Variants in STX8 observed in about 807,000 individuals in gnomAD.
The protein encoded by STX8 is syntaxin 8, also known as syntaxin-8.
STX8 carries 23 observed loss-of-function variants against 37.5 expected under a neutral mutation model. That is an observed-to-expected ratio of 0.61 (90% confidence interval 0.44 to 0.87). STX8 has a LOEUF of 0.87. STX8 is among the 40% of genes least tolerant of loss of function. The probability of loss-of-function intolerance (pLI) is 0.00; values close to 1 mark genes in which losing one functional copy is unlikely to be tolerated. For synonymous variants in STX8, 115 were observed against 99.1 expected (o/e 1.16, Z -0.95); for missense variants, 313 against 284.7 (o/e 1.10, Z -0.71).
rs750348527 is a variant in STX8 at position 9,514,332 on chromosome 17, C to T, written c.324-9170G>A. ...TTAAAACAAAATGATAGGCTGGGTGCGGTGGCTCACACCTGTAATCCCAGC... is the reference window on the plus strand; with the variant it reads ...TTAAAACAAAATGATAGGCTGGGTGTGGTGGCTCACACCTGTAATCCCAGC... On this transcript the variant is annotated intron_variant, in intron 4 of 7. Coordinates refer to ENST00000306357, the MANE Select transcript of STX8 (RefSeq NM_004853.3). Among the ~76,000 whole-genome samples, 5 of 152,178 alleles carry T rather than the reference C, an allele frequency of 3.3e-5. No individual in the cohort carries two copies. The East Asian group carries it at 5.8e-4, about 18-fold the overall frequency.
intron 1 of STX8, among the ~76,000 whole-genome samples, chr17:9,568,980 A>T (rs1907573015): frequency 6.6e-6 from 1 of 152,188 alleles, no homozygotes; most frequent in South Asian, 2.1e-4. Flanking sequence ...ACTTAATCAA[A>T]ACAGGAACGC....
At position 9,280,422 on chromosome 17, in the gene STX8, G is replaced by A. The variant is rs149557579; in HGVS notation, c.644-29777C>T. ...TACAAAATTAGCCGGGTGTGGTGGCGGGCGCCTGTAATCCCAGCTACTTGG... is the reference window on the plus strand; with the variant it reads ...TACAAAATTAGCCGGGTGTGGTGGCAGGCGCCTGTAATCCCAGCTACTTGG... On this transcript the variant is annotated intron_variant, in intron 7 of 7. Coordinates refer to ENST00000306357, the MANE Select transcript of STX8 (RefSeq NM_004853.3). 6.7e-3 allele frequency among the ~76,000 whole-genome samples: 1,022 copies of A among 152,126 alleles called. 7 individuals are homozygous for A. The highest frequency in any genetic ancestry group is 0.021 in the African/African-American group (864 of 41,514).
chr17:9,296,480 G>A (rs1291753469), intron 7 of STX8, among the ~76,000 whole-genome samples: 3 of 142,558 alleles, frequency 2.1e-5, no homozygotes, highest in East Asian at 2.0e-4. Flanking sequence ...CCTAGGCAAC[G>A]AGAGTGAAAC....
In STX8 at chr17:9,303,255, C is replaced by T. The variant is rs75411135; in HGVS notation, c.644-52610G>A. On this transcript the variant is annotated intron_variant, in intron 7 of 7. Coordinates refer to ENST00000306357, the MANE Select transcript of STX8 (RefSeq NM_004853.3). ...GCAGTGAGCTGAGATCGTGCCACTG[C>T]ACTCCGGCCTGGCGACAGAGCGAGA... is the stretch of plus-strand genomic sequence containing the variant. Among the ~76,000 whole-genome samples, 32 of 152,280 alleles carry T rather than the reference C, an allele frequency of 2.1e-4. No homozygotes were observed. The East Asian group carries it at 6.2e-3, about 29-fold the overall frequency.
chr17:9,329,744 C>G (rs1909902877), intron 7 of STX8, among the ~76,000 whole-genome samples: 1 of 152,236 alleles, frequency 6.6e-6, no homozygotes, highest in Non-Finnish European at 1.5e-5. Context: ...GAGCCCGTCA[C>G]AGCCAAGCAA....
intron 6 of STX8, among the ~76,000 whole-genome samples, chr17:9,453,328 A>G (rs2142405597): frequency 6.6e-6 from 1 of 152,136 alleles, no homozygotes; most frequent in East Asian, 1.9e-4. Flanking sequence ...CATTATGTTT[A>G]CCCCATGGAG....
intron 3 of STX8, chr17:9,553,390 AT>A (rs1354617968): frequency 2.0e-5 from 3 of 152,322 alleles, no homozygotes; most frequent in Middle Eastern, 6.8e-3. Flanking sequence ...ATAACATCTC[AT>A]GCCTTAATTC....
At position 9,289,214 on chromosome 17, in the gene STX8, T is replaced by C. The variant is rs76764090; in HGVS notation, c.644-38569A>G. ...ACAACAAGGGAGATAATAAAGATAG[T>C]TTTGGACAAGTACTATCTCAAGAAA... On this transcript the variant is annotated intron_variant, in intron 7 of 7. Coordinates refer to ENST00000306357, the MANE Select transcript of STX8 (RefSeq NM_004853.3). 3.8e-3 allele frequency among the ~76,000 whole-genome samples: 577 copies of C among 152,262 alleles called. 1 individual carries two copies. The highest frequency in any genetic ancestry group is 0.013 in the African/African-American group (538 of 41,536).
chr17:9,319,370 G>A (rs1198013313), intron 7 of STX8, among the ~76,000 whole-genome samples: 5 of 152,114 alleles, frequency 3.3e-5, no homozygotes, highest in Admixed American at 3.3e-4. Context: ...AGTGAGCCGA[G>A]ATTGTGCCAC....
At chr17:9,575,670 T>C (rs561867764) in intron 1 of STX8, 122 bp downstream of exon 1, 1 of 1,244,152 alleles carries the variant, frequency 8.0e-7, no homozygotes, top group East Asian at 2.6e-5. Context: ...AGGAAAGGTC[T>C]CGCTGCCCCT....
chr17:9,500,268 A>AAAAAC (rs759074070), intron 5 of STX8, among the ~76,000 whole-genome samples: 6 of 152,188 alleles, frequency 3.9e-5, no homozygotes, highest in Admixed American at 2.0e-4. Flanking sequence ...AAACAACTGG[A>AAAAAC]AAAACAAAAC....
Position 9,304,507 on chromosome 17 carries a change from C to CAAAAAA in STX8, c.644-53868_644-53863dup, listed in dbSNP as rs35673905. On this transcript the variant is annotated intron_variant, in intron 7 of 7. Coordinates refer to ENST00000306357, the MANE Select transcript of STX8 (RefSeq NM_004853.3). ...CTGGGCAACAAGAGCGAAACTGTCTCAAAAAAAAAAAAAAAAAAAAAAGAA... is the reference window on the plus strand; with the variant it reads ...CTGGGCAACAAGAGCGAAACTGTCTCAAAAAAAAAAAAAAAAAAAAAAAAAAAAGAA... Among the ~76,000 whole-genome samples, 152 of 56,758 alleles carry CAAAAAA rather than the reference C, an allele frequency of 2.7e-3. 1 individual carries two copies. The highest frequency in any genetic ancestry group is 0.016 in the East Asian group (28 of 1,712). The allele number at this position is 56,758 out of a possible 152,430, so 37.2% of individuals were successfully genotyped here. A position where few individuals can be genotyped will look rare whatever the true frequency, so the allele number is the denominator to read the frequency against.
chr17:9,557,418 A>C lies in STX8; in HGVS notation c.212+16T>G. The C allele has an allele frequency of 6.2e-7, 1 of 1,603,776 alleles. No individual in the cohort carries two copies. Among genetic ancestry groups the C allele is most frequent in the Non-Finnish European group, 8.5e-7 (1 of 1,170,902 alleles). On this transcript the variant is annotated intron_variant, in intron 3 of 7. Coordinates refer to ENST00000306357, the MANE Select transcript of STX8 (RefSeq NM_004853.3). ...CTCCCACTCTAGAAAAGAGGTGGAA[A>C]TGTTTACATGGATACATCTGATGTG...
At chr17:9,535,561 T>C (rs2142550108) in intron 4 of STX8, among the ~76,000 whole-genome samples, 1 of 150,888 alleles carries the variant, frequency 6.6e-6, no homozygotes, top group Non-Finnish European at 1.5e-5. Context: ...GCCTCCTGAG[T>C]AGCTGGGACT....
intron 2 of STX8, among the ~76,000 whole-genome samples, chr17:9,566,313 C>T (rs1907457488): frequency 6.6e-6 from 1 of 152,150 alleles, no homozygotes; most frequent in African/African-American, 2.4e-5. Context: ...AACAGATGCT[C>T]GGGAGGTTGC....
intron 6 of STX8, among the ~76,000 whole-genome samples, chr17:9,459,125 C>A (rs187028834): frequency 4.3e-4 from 66 of 152,266 alleles, no homozygotes; most frequent in Non-Finnish European, 7.8e-4. Flanking sequence ...AGCCACCATG[C>A]CCGGCCCACT....
chr17:9,274,714 T>A (rs1276627221), intron 7 of STX8, among the ~76,000 whole-genome samples: 2 of 85,030 alleles, frequency 2.4e-5, no homozygotes, highest in African/African-American at 3.8e-5. Context: ...ATAATAATAA[T>A]AAACAAAGTC....
At chr17:9,506,422 C>CCCCCCCCCCCCCCCCG (rs1286101644) in intron 4 of STX8, among the ~76,000 whole-genome samples, 1 of 109,408 alleles carries the variant, frequency 9.1e-6, no homozygotes, top group African/African-American at 4.0e-5. Context: ...CCCCCCCCCA[C>CCCCCCCCCCCCCCCCG]CCACCTTTCT....
At chr17:9,542,817 G>A (rs1165932608) in intron 4 of STX8, among the ~76,000 whole-genome samples, 8 of 152,230 alleles carry the variant, frequency 5.3e-5, no homozygotes, top group South Asian at 2.1e-4. Flanking sequence ...TTTGGGGTTC[G>A]GGTTGGAAAA....
Sources: gnomAD v4.1 joint callset for allele counts (sites outside exome capture counted in the v4.1 genomes callset) on GRCh38, gnomAD v4.1.1 for gene constraint, MANE v1.5 for transcripts, NCBI Gene and HGNC (gene_info 2026-07-23, HGNC 2026-07-21) for gene names.